SLC24A2: variants seen among roughly 807,000 people sequenced by gnomAD.
SLC24A2 encodes solute carrier family 24 member 2.
Under a neutral mutation model 62.0 loss-of-function variants are expected in SLC24A2, and 36 were observed. The ratio of observed to expected loss-of-function variants is 0.58; its 90% confidence interval spans 0.44 to 0.77. SLC24A2 has a LOEUF of 0.77. Ranked by LOEUF, SLC24A2 falls within the 30% of genes least tolerant of loss-of-function variation. The probability of loss-of-function intolerance (pLI) is 0.00; values close to 1 mark genes in which losing one functional copy is unlikely to be tolerated. For missense variants in SLC24A2, 846 were observed against 817.9 expected (o/e 1.03, Z -0.42); for synonymous variants, 358 against 294.0 (o/e 1.22, Z -2.23).
the SLC24A2 span, among the ~76,000 whole-genome samples, chr9:19,882,580 G>C: frequency 6.6e-6 from 1 of 151,714 alleles, no homozygotes; most frequent in Non-Finnish European, 1.5e-5. Context: ...CCTGACTTTA[G>C]GCAAATGTTC....
At chr9:19,913,148 A>G in the SLC24A2 span, among the ~76,000 whole-genome samples, 1 of 152,050 alleles carries the variant, frequency 6.6e-6, no homozygotes, top group African/African-American at 2.4e-5. Context: ...TCTCATCTAA[A>G]TTGAAGAATT....
chr9:19,558,149 C>A (rs1001974757), intron 7 of SLC24A2, among the ~76,000 whole-genome samples: 9 of 152,122 alleles, frequency 5.9e-5, no homozygotes, highest in Non-Finnish European at 8.8e-5. Context: ...ATGTTGTATT[C>A]TTTTCCTTTT....
At chr9:20,170,625 C>T in the SLC24A2 span, among the ~76,000 whole-genome samples, 6 of 151,846 alleles carry the variant, frequency 4.0e-5, no homozygotes, top group African/African-American at 1.5e-4. Flanking sequence ...GGCTGTTTTA[C>T]AGTAACTAGG....
At chr9:19,567,799 C>G (rs1486890350) in intron 7 of SLC24A2, among the ~76,000 whole-genome samples, 2 of 151,484 alleles carry the variant, frequency 1.3e-5, no homozygotes, top group Non-Finnish European at 2.9e-5. Context: ...TTGGGAAAAG[C>G]TAGTGATCGC....
intron 8 of SLC24A2, among the ~76,000 whole-genome samples, chr9:19,537,001 T>C (rs1020998833): frequency 7.0e-6 from 1 of 143,862 alleles, no homozygotes; most frequent in Admixed American, 7.0e-5. Context: ...AAATGTCTTC[T>C]TTTGAGAAGT....
At chr9:19,570,458 G>T (rs919747596) in intron 7 of SLC24A2, among the ~76,000 whole-genome samples, 1 of 152,026 alleles carries the variant, frequency 6.6e-6, no homozygotes, top group Non-Finnish European at 1.5e-5. Context: ...ACTTTGTATA[G>T]AACTCTAAGA....
At chr9:20,003,068 T>C in the SLC24A2 span, among the ~76,000 whole-genome samples, 2 of 152,232 alleles carry the variant, frequency 1.3e-5, no homozygotes, top group African/African-American at 2.4e-5. Context: ...GCCTGCCTAT[T>C]TGGCATTCAT....
At chr9:19,748,042 C>T (rs1249158366) in intron 2 of SLC24A2, among the ~76,000 whole-genome samples, 2 of 152,150 alleles carry the variant, frequency 1.3e-5, no homozygotes, top group East Asian at 3.9e-4. Context: ...GACTCTTAGC[C>T]TATACAGATT....
At chr9:19,990,040 T>C in the SLC24A2 span, among the ~76,000 whole-genome samples, 3 of 152,192 alleles carry the variant, frequency 2.0e-5, no homozygotes, top group African/African-American at 7.2e-5. Flanking sequence ...CTCAGTTCTT[T>C]AGAGTTATGT....
chr9:20,238,394 A>T, the SLC24A2 span, among the ~76,000 whole-genome samples: 2 of 152,126 alleles, frequency 1.3e-5, no homozygotes, highest in South Asian at 2.1e-4. Context: ...GCAACATTTA[A>T]ATTTCCTTTA....
At chr9:19,661,082 G>A (rs1207821779) in intron 2 of SLC24A2, among the ~76,000 whole-genome samples, 1 of 152,096 alleles carries the variant, frequency 6.6e-6, no homozygotes, top group Non-Finnish European at 1.5e-5. Flanking sequence ...TTGCATATAG[G>A]ATTTATTGCT....
chr9:19,900,971 G>A, the SLC24A2 span, among the ~76,000 whole-genome samples: 1 of 152,206 alleles, frequency 6.6e-6, no homozygotes, highest in Non-Finnish European at 1.5e-5. Flanking sequence ...GCAGCATAGT[G>A]CAGAGCAAAA....
chr9:19,759,371 C>G (rs1216071048), intron 2 of SLC24A2, among the ~76,000 whole-genome samples: 3 of 152,134 alleles, frequency 2.0e-5, no homozygotes, highest in African/African-American at 7.2e-5. Context: ...TGAGATTGGA[C>G]CAGATAAGAT....
At chr9:19,990,922 G>GAGATATATATATATATATATAT in the SLC24A2 span, among the ~76,000 whole-genome samples, 1 of 120,810 alleles carries the variant, frequency 8.3e-6, no homozygotes, top group African/African-American at 3.6e-5. Flanking sequence ...GGACTAATAG[G>GAGATATATATATATATATATAT]ATATATATAT....
the SLC24A2 span, among the ~76,000 whole-genome samples, chr9:20,217,491 GT>G: frequency 0.094 from 14,241 of 152,146 alleles, 695 homozygotes; most frequent in East Asian, 0.13. Flanking sequence ...TTTATTGTAA[GT>G]TTTTTTAATT....
the SLC24A2 span, among the ~76,000 whole-genome samples, chr9:19,943,186 C>T: frequency 6.6e-6 from 1 of 152,132 alleles, no homozygotes; most frequent in Non-Finnish European, 1.5e-5. Flanking sequence ...AGAATAATTA[C>T]AGGACATATA....
At chr9:20,072,234 T>C in the SLC24A2 span, among the ~76,000 whole-genome samples, 1 of 152,182 alleles carries the variant, frequency 6.6e-6, no homozygotes, top group Non-Finnish European at 1.5e-5. Context: ...AACGCCTATC[T>C]GTTTAGATCC....
At chr9:19,521,384 A>G (rs1833191672) in intron 9 of SLC24A2, among the ~76,000 whole-genome samples, 1 of 152,208 alleles carries the variant, frequency 6.6e-6, no homozygotes, top group African/African-American at 2.4e-5. Context: ...AGAAAGGCCA[A>G]TTGGCCATGG....
At chr9:19,792,622 C>G (rs1823332790), upstream of SLC24A2, among the ~76,000 whole-genome samples, 1 of 150,362 alleles carries the variant, frequency 6.7e-6, no homozygotes, top group Admixed American at 6.6e-5. Context: ...GTAGGAGAAT[C>G]ACTTGAACCT....
Sources: gnomAD v4.1 joint callset for allele counts (sites outside exome capture counted in the v4.1 genomes callset) on GRCh38, gnomAD v4.1.1 for gene constraint, MANE v1.5 for transcripts, NCBI Gene and HGNC (gene_info 2026-07-23, HGNC 2026-07-21) for gene names.